Variants in ZFAND3 observed in about 807,000 individuals in gnomAD.
The protein encoded by ZFAND3 is zinc finger AN1-type containing 3.
A neutral mutation model predicts 29.6 loss-of-function variants in ZFAND3; 10 were observed. The observed-to-expected ratio is 0.34, with a 90% CI of 0.21 to 0.57. ZFAND3 has a LOEUF of 0.57. Ranked by LOEUF, ZFAND3 falls within the 20% of genes least tolerant of loss-of-function variation. The pLI, the probability that ZFAND3 is intolerant of heterozygous loss-of-function variation, is 0.86. For missense variants in ZFAND3, 230 were observed against 304.5 expected (o/e 0.76, Z 1.82); for synonymous variants, 128 against 112.6 (o/e 1.14, Z -0.87).
At chr6:38,059,813 T>C (rs1416985801) in intron 2 of ZFAND3, among the ~76,000 whole-genome samples, 1 of 151,944 alleles carries the variant, frequency 6.6e-6, no homozygotes, top group African/African-American at 2.4e-5. Flanking sequence ...GAGACGGAGG[T>C]TGCAGTGAGC....
intron 5 of ZFAND3, among the ~76,000 whole-genome samples, chr6:38,141,939 TA>T (rs1765966576): frequency 6.6e-6 from 1 of 152,228 alleles, no homozygotes; most frequent in African/African-American, 2.4e-5. Context: ...GGTTTTCATT[TA>T]TGCCCGTAAC....
intron 1 of ZFAND3, among the ~76,000 whole-genome samples, chr6:37,923,016 A>G (rs1203583940): frequency 6.6e-6 from 1 of 152,246 alleles, no homozygotes; most frequent in Non-Finnish European, 1.5e-5. Flanking sequence ...AACTTTAAAA[A>G]AATTTTAAAC....
At chr6:37,966,562 T>TGAAACCTGGCAAGTGCTCCTAATAAATA (rs1762296874) in intron 2 of ZFAND3, among the ~76,000 whole-genome samples, 1 of 152,092 alleles carries the variant, frequency 6.6e-6, no homozygotes, top group African/African-American at 2.4e-5. Context: ...ACAGTTGAAT[T>TGAAACCTGGCAAGTGCTCCTAATAAATA]TTCTGGATTT....
At chr6:37,982,835 C>T (rs1418631206) in intron 2 of ZFAND3, among the ~76,000 whole-genome samples, 3 of 152,146 alleles carry the variant, frequency 2.0e-5, no homozygotes, top group Non-Finnish European at 4.4e-5. Flanking sequence ...GATGATAGCT[C>T]TATACCTGTT....
chr6:37,903,116 T>C (rs1266900711), intron 1 of ZFAND3, among the ~76,000 whole-genome samples: 1 of 152,184 alleles, frequency 6.6e-6, no homozygotes, highest in African/African-American at 2.4e-5. Flanking sequence ...TGAGAGTCTT[T>C]ATTGGTACAT....
Position 38,047,976 on chromosome 6 carries a change from T to TG in ZFAND3, c.113-13617_113-13616insG, listed in dbSNP as rs1561979812. Among the ~76,000 whole-genome samples the TG allele has an allele frequency of 7.9e-5, 12 of 151,280 alleles. No individual in the cohort carries two copies. In the South Asian group the frequency reaches 2.5e-3, roughly 32 times the overall value. On this transcript the variant is annotated intron_variant, in intron 2 of 5. Transcript: ENST00000287218. Reference sequence around the variant, plus strand: ...CCTAGGTTTTTGGGTTTTTTTTGTTTTTTTTTTTTTTACTTTTTGTGTGTG... The same window carrying TG: ...CCTAGGTTTTTGGGTTTTTTTTGTTTGTTTTTTTTTTTACTTTTTGTGTGTG...
chr6:38,071,780 A>T, intron 3 of ZFAND3, among the ~76,000 whole-genome samples: 1 of 152,324 alleles, frequency 6.6e-6, no homozygotes, highest in African/African-American at 2.4e-5. Context: ...AAATTAGCAG[A>T]GGCTTTATTT....
chr6:38,076,516 C>T (rs998633817), intron 3 of ZFAND3, among the ~76,000 whole-genome samples: 1 of 152,088 alleles, frequency 6.6e-6, no homozygotes, highest in African/African-American at 2.4e-5. Context: ...ACTTTTGACC[C>T]ACTTTGAAAA....
At chr6:37,830,094 TTG>T (rs1430393212) in intron 1 of ZFAND3, among the ~76,000 whole-genome samples, 5 of 152,200 alleles carry the variant, frequency 3.3e-5, no homozygotes, top group Non-Finnish European at 5.9e-5. Context: ...GATTTTTACA[TTG>T]TGTGTGTTTT....
At chr6:38,081,914 A>G (rs930280634) in intron 3 of ZFAND3, among the ~76,000 whole-genome samples, 5 of 152,086 alleles carry the variant, frequency 3.3e-5, no homozygotes, top group Non-Finnish European at 7.4e-5. Context: ...TCTGACAAGC[A>G]GTTTATTGTT....
intron 1 of ZFAND3, among the ~76,000 whole-genome samples, chr6:37,851,276 C>T (rs1245187217): frequency 6.6e-6 from 1 of 151,916 alleles, no homozygotes; most frequent in East Asian, 1.9e-4. Context: ...TGTGAGTCAC[C>T]ACGCCCAGCC....
At chr6:37,855,246 G>C (rs1320226411) in intron 1 of ZFAND3, among the ~76,000 whole-genome samples, 1 of 151,220 alleles carries the variant, frequency 6.6e-6, no homozygotes, top group Non-Finnish European at 1.5e-5. Flanking sequence ...CCAGGTTCAG[G>C]CAATTCTCCT....
At chr6:38,054,193 C>A (rs1215849807) in intron 2 of ZFAND3, among the ~76,000 whole-genome samples, 5 of 130,964 alleles carry the variant, frequency 3.8e-5, no homozygotes, top group African/African-American at 1.1e-4. Flanking sequence ...CCAGCTTGGG[C>A]AACATAGTGA....
intron 2 of ZFAND3, among the ~76,000 whole-genome samples, chr6:38,040,063 A>G (rs376872630): frequency 6.6e-6 from 1 of 152,068 alleles, no homozygotes; most frequent in South Asian, 2.1e-4. Context: ...AAACACTGAA[A>G]AATTTTATTT....
chr6:38,001,571 T>C (rs1241757873), intron 2 of ZFAND3, among the ~76,000 whole-genome samples: 1 of 152,236 alleles, frequency 6.6e-6, no homozygotes, highest in Non-Finnish European at 1.5e-5. Context: ...TTCAGAGCTC[T>C]AGAATTTAGA....
At chr6:37,969,819 A>G (rs1762356085) in intron 2 of ZFAND3, among the ~76,000 whole-genome samples, 1 of 152,184 alleles carries the variant, frequency 6.6e-6, no homozygotes, top group South Asian at 2.1e-4. Flanking sequence ...CTTACTCCCT[A>G]AAAATCTGAG....
intron 2 of ZFAND3, among the ~76,000 whole-genome samples, chr6:38,027,326 A>G (rs1449801637): frequency 6.6e-6 from 1 of 152,238 alleles, no homozygotes. Flanking sequence ...CATGTTCAGA[A>G]ACCGCATGGT....
chr6:38,089,854 AGTTTT>A (rs1425363077), intron 4 of ZFAND3, among the ~76,000 whole-genome samples: 1 of 151,944 alleles, frequency 6.6e-6, no homozygotes, highest in African/African-American at 2.4e-5. Context: ...TGCTCTGTGA[AGTTTT>A]GTTTTTGTTT....
At chr6:37,911,795 G>A (rs73730827) in intron 1 of ZFAND3, among the ~76,000 whole-genome samples, 4,589 of 152,236 alleles carry the variant, frequency 0.03, 181 homozygotes, top group African/African-American at 0.087. Context: ...GTGGAGATGA[G>A]CTTGTATATT....
Sources: allele counts gnomAD v4.1 joint callset (sites outside exome capture counted in the v4.1 genomes callset), GRCh38; gene constraint gnomAD v4.1.1; transcripts MANE v1.5; gene names NCBI Gene and HGNC (gene_info 2026-07-23, HGNC 2026-07-21).